Variants in HHAT observed in about 807,000 individuals in gnomAD.
HHAT encodes hedgehog acyltransferase.
Under a neutral mutation model 70.8 loss-of-function variants are expected in HHAT, and 47 were observed. The ratio of observed to expected loss-of-function variants is 0.66; its 90% CI spans 0.53 to 0.85. The LOEUF is 0.85. Ranked by LOEUF, HHAT falls within the 40% of genes least tolerant of loss-of-function variation. The probability of loss-of-function intolerance (pLI) is 0.00; values close to 1 mark genes in which losing one functional copy is unlikely to be tolerated. For missense variants in HHAT, 609 were observed against 604.8 expected (o/e 1.01, Z -0.07); for synonymous variants, 228 against 247.6 (o/e 0.92, Z 0.74).
rs528734319 is a variant in HHAT at position 210,464,426 on chromosome 1, A to G, written c.857-79A>G. On this transcript the variant is annotated intron_variant, in intron 7 of 11. Transcript: ENST00000261458. ...TGGGGAGAAGCGGGGCAGTTGGCAT[A>G]GCTCCTGGGGTGTTGGTCTCCTCCA... 42 of 1,441,958 alleles carry G rather than the reference A, an allele frequency of 2.9e-5. No homozygotes were observed. The African/African-American group carries it at 5.6e-4, about 19-fold the overall frequency. The allele number at this position is 1,441,958 out of a possible 1,614,324, so 89.3% of individuals were successfully genotyped here.
intron 11 of HHAT, among the ~76,000 whole-genome samples, chr1:210,644,151 A>C (rs1025231803): frequency 6.6e-6 from 1 of 152,204 alleles, no homozygotes; most frequent in African/African-American, 2.4e-5. Context: ...AGGTCTAGAG[A>C]GGTAACATTA....
At chr1:210,369,115 C>T (rs2089304492) in intron 3 of HHAT, among the ~76,000 whole-genome samples, 5 of 152,004 alleles carry the variant, frequency 3.3e-5, no homozygotes, top group Admixed American at 2.6e-4. Context: ...ATTGCTGATT[C>T]TCCCTCTGTA....
intron 1 of HHAT, 178 bp downstream of exon 1, chr1:210,329,282 G>A (rs2084772709): frequency 1.6e-6 from 2 of 1,225,798 alleles, no homozygotes; most frequent in African/African-American, 1.6e-5. Flanking sequence ...AGACAAAAGC[G>A]GCGGGGGCCG....
chr1:210,360,282 CATG>C (rs1367794584), intron 2 of HHAT, among the ~76,000 whole-genome samples: 1 of 150,864 alleles, frequency 6.6e-6, no homozygotes, highest in Non-Finnish European at 1.5e-5. Context: ...TTCTCCAAAA[CATG>C]AGGAAAGGTT....
At chr1:210,652,662 C>G (rs77237471) in intron 11 of HHAT, among the ~76,000 whole-genome samples, 2 of 152,146 alleles carry the variant, frequency 1.3e-5, no homozygotes, top group African/African-American at 4.8e-5. Context: ...AACTGCCTCA[C>G]TCGTGTAGAT....
chr1:210,626,639 AAGT>A (rs1669893312), intron 11 of HHAT, among the ~76,000 whole-genome samples: 1 of 152,074 alleles, frequency 6.6e-6, no homozygotes, highest in Non-Finnish European at 1.5e-5. Flanking sequence ...TCTTGGAGGA[AAGT>A]GAACCAGATG....
At chr1:210,632,772 T>C (rs959932355) in intron 11 of HHAT, among the ~76,000 whole-genome samples, 8 of 152,234 alleles carry the variant, frequency 5.3e-5, no homozygotes, top group African/African-American at 1.9e-4. Context: ...TTACTTCCTA[T>C]ATCAATAAGT....
chr1:210,418,232 T>C lies in HHAT; in HGVS notation c.763T>C (p.Trp255Arg). 1 of 1,614,050 alleles carries C rather than the reference T, an allele frequency of 6.2e-7. No homozygotes were observed. The highest frequency in any genetic ancestry group is 1.1e-5 in the South Asian group (1 of 91,048). ...ALGLGRLLCW[W>R]WLAELMAHLM... Reference sequence around the variant, plus strand: ...GGGGCTGGGCCGCCTTCTTTGCTGGTGGTGGCTGGCCGAGCTGATGGCTCA... The same window carrying C: ...GGGGCTGGGCCGCCTTCTTTGCTGGCGGTGGCTGGCCGAGCTGATGGCTCA... Residue 255 changes from tryptophan (W) to arginine (R), a missense_variant, in exon 7 of 12, where the codon TGG becomes CGG. Trp to Arg is a moderately radical substitution (Grantham distance 101, BLOSUM62 -3). Coordinates refer to ENST00000261458, the MANE Select transcript of HHAT (RefSeq NM_018194.6).
At chr1:210,338,454 A>G (rs1218857382) in intron 1 of HHAT, among the ~76,000 whole-genome samples, 1 of 152,168 alleles carries the variant, frequency 6.6e-6, no homozygotes, top group Admixed American at 6.5e-5. Context: ...AAACATTTGA[A>G]CGAGTATTAT....
intron 9 of HHAT, among the ~76,000 whole-genome samples, chr1:210,546,572 A>G (rs1368649599): frequency 1.3e-5 from 2 of 152,224 alleles, no homozygotes; most frequent in African/African-American, 4.8e-5. Flanking sequence ...TGGAGAGGCC[A>G]GGAAGGTGGG....
intron 11 of HHAT, among the ~76,000 whole-genome samples, chr1:210,640,688 G>T (rs570146987): frequency 7.3e-6 from 1 of 136,388 alleles, no homozygotes; most frequent in Non-Finnish European, 1.6e-5. Context: ...CCCCACACAC[G>T]CACCCCTTTA....
intron 11 of HHAT, among the ~76,000 whole-genome samples, chr1:210,644,866 G>A (rs1164262826): frequency 6.6e-6 from 1 of 152,082 alleles, no homozygotes; most frequent in African/African-American, 2.4e-5. Flanking sequence ...CGGGAAACCT[G>A]CAGTAGGTGA....
intron 8 of HHAT, among the ~76,000 whole-genome samples, chr1:210,506,913 G>A (rs962884219): frequency 6.6e-6 from 1 of 152,166 alleles, no homozygotes. Flanking sequence ...GAGAATGATT[G>A]ATTAGTTATC....
intron 1 of HHAT, among the ~76,000 whole-genome samples, chr1:210,339,199 A>G (rs1294282624): frequency 2.0e-5 from 3 of 152,228 alleles, no homozygotes; most frequent in Non-Finnish European, 4.4e-5. Context: ...CTGATTTTGA[A>G]ATTCTGATTT....
intron 7 of HHAT, among the ~76,000 whole-genome samples, chr1:210,438,538 A>G (rs910032): frequency 0.18 from 27,201 of 151,634 alleles, 3,165 homozygotes; most frequent in Admixed American, 0.34. Context: ...ATATGCTCAT[A>G]CTTATTAAGG....
chr1:210,416,167 G>A (rs1051586921), intron 6 of HHAT, among the ~76,000 whole-genome samples: 3 of 152,222 alleles, frequency 2.0e-5, no homozygotes, highest in South Asian at 2.1e-4. Flanking sequence ...ATCCCCTGCC[G>A]TGTAGCTCTC....
intron 7 of HHAT, among the ~76,000 whole-genome samples, chr1:210,424,058 T>C (rs527477104): frequency 1.1e-4 from 17 of 152,338 alleles, no homozygotes; most frequent in African/African-American, 4.1e-4. Context: ...TAGGTTTTTT[T>C]CTTCTATTTC....
intron 4 of HHAT, among the ~76,000 whole-genome samples, chr1:210,394,860 T>C (rs1373917388): frequency 4.6e-5 from 7 of 152,140 alleles, no homozygotes; most frequent in African/African-American, 9.7e-5. Flanking sequence ...TCTACCTCCA[T>C]CAGTGCATGT....
chr1:210,634,296 A>G (rs181514215), intron 11 of HHAT, among the ~76,000 whole-genome samples: 15 of 152,282 alleles, frequency 9.9e-5, no homozygotes, highest in Non-Finnish European at 1.8e-4. Context: ...GTTGATGACA[A>G]GGGAATGTGG....
Sources: gnomAD v4.1 joint callset for allele counts (sites outside exome capture counted in the v4.1 genomes callset) on GRCh38, gnomAD v4.1.1 for gene constraint, MANE v1.5 for transcripts, NCBI Gene and HGNC (gene_info 2026-07-23, HGNC 2026-07-21) for gene names.